RBPMS: variants seen among roughly 807,000 people sequenced by gnomAD.
RBPMS encodes the protein RNA-binding protein with multiple splicing.
A neutral mutation model predicts 26.8 loss-of-function variants in RBPMS; 7 were observed. The ratio of observed to expected loss-of-function variants is 0.26; its 90% CI spans 0.15 to 0.49. The LOEUF (loss-of-function observed/expected upper bound fraction) is 0.49, where lower values mean the gene tolerates loss of function less well. Ranked by LOEUF, RBPMS falls within the 20% of genes least tolerant of loss-of-function variation. RBPMS has a pLI of 0.98. For synonymous variants in RBPMS, 96 were observed against 93.3 expected (o/e 1.03, Z -0.17); for missense variants, 186 against 250.0 (o/e 0.74, Z 1.73).
intron 1 of RBPMS, among the ~76,000 whole-genome samples, chr8:30,419,729 C>A (rs1455272480): frequency 6.6e-6 from 1 of 152,090 alleles, no homozygotes; most frequent in Non-Finnish European, 1.5e-5. Context: ...TGGTTCCCAT[C>A]CCCAACATAT....
intron 1 of RBPMS, among the ~76,000 whole-genome samples, chr8:30,448,926 A>C (rs551275527): frequency 1.3e-5 from 2 of 152,214 alleles, no homozygotes; most frequent in East Asian, 1.9e-4. Flanking sequence ...ATGGGGGGGA[A>C]CTTTGCTGTC....
intron 2 of RBPMS, among the ~76,000 whole-genome samples, chr8:30,475,853 T>G (rs1817633846): frequency 1.3e-5 from 2 of 152,132 alleles, no homozygotes; most frequent in African/African-American, 4.8e-5. Flanking sequence ...AGCCATCGCT[T>G]TAATGCAACA....
chr8:30,502,506 G>A (rs1820666001), intron 4 of RBPMS, among the ~76,000 whole-genome samples: 1 of 152,206 alleles, frequency 6.6e-6, no homozygotes, highest in Non-Finnish European at 1.5e-5. Context: ...TAGGAAAGTT[G>A]CTTCTTCACA....
At chr8:30,538,260 CTT>C (rs35741819) in intron 5 of RBPMS, among the ~76,000 whole-genome samples, 2 of 147,078 alleles carry the variant, frequency 1.4e-5, no homozygotes, top group Admixed American at 6.8e-5. Context: ...TTCACCCAAT[CTT>C]TTTTTTTTTG....
At chr8:30,501,563 T>G (rs1170682559) in intron 4 of RBPMS, among the ~76,000 whole-genome samples, 1 of 152,198 alleles carries the variant, frequency 6.6e-6, no homozygotes, top group Non-Finnish European at 1.5e-5. Context: ...CAGTAGCCAG[T>G]CAGATTGGGG....
intron 1 of RBPMS, among the ~76,000 whole-genome samples, chr8:30,449,939 TTTAC>T (rs1814351867): frequency 6.6e-6 from 1 of 152,266 alleles, no homozygotes; most frequent in Non-Finnish European, 1.5e-5. Flanking sequence ...AAAATTACAA[TTTAC>T]TTTTAGTTAC....
chr8:30,411,704 C>T (rs1405826241), intron 1 of RBPMS, among the ~76,000 whole-genome samples: 2 of 147,342 alleles, frequency 1.4e-5, no homozygotes, highest in African/African-American at 5.0e-5. Context: ...AATGTTTAGG[C>T]CGGGCACAGT....
At chr8:30,504,233 G>T in intron 4 of RBPMS, 53 bp from the exon 5 acceptor site, 2 of 1,603,406 alleles carry the variant, frequency 1.2e-6, no homozygotes, top group Non-Finnish European at 1.7e-6. Context: ...TCACCATTCC[G>T]GTTTGACTCA....
intron 1 of RBPMS, among the ~76,000 whole-genome samples, chr8:30,425,385 TG>T (rs1486444265): frequency 1.3e-5 from 2 of 152,008 alleles, no homozygotes; most frequent in African/African-American, 4.8e-5. Context: ...TGTGTATATT[TG>T]ATATGTAGCG....
intron 2 of RBPMS, among the ~76,000 whole-genome samples, chr8:30,477,157 A>G (rs369852592): frequency 7.9e-5 from 12 of 152,018 alleles, no homozygotes; most frequent in Admixed American, 7.9e-4. Context: ...GGTTCATACC[A>G]TTCTCCTGCC....
Position 30,445,770 on chromosome 8 carries a change from C to T in RBPMS, c.67-29009C>T, listed in dbSNP as rs775961745. Among the ~76,000 whole-genome samples, 23 of 151,400 alleles carry T rather than the reference C, an allele frequency of 1.5e-4. 2 individuals are homozygous for T. Among genetic ancestry groups the T allele is most frequent in the African/African-American group, 5.3e-4 (22 of 41,204 alleles). ...GCAGCCTCGACCAACTGGGCTCCAG[C>T]GAGCCTATATCACCTTAGCCTCCTG... On this transcript the variant is annotated intron_variant, in intron 1 of 8. Coordinates refer to ENST00000397323, the MANE Select transcript of RBPMS (RefSeq NM_001008710.3).
intron 4 of RBPMS, among the ~76,000 whole-genome samples, chr8:30,494,707 C>A (rs4733188): frequency 1 from 151,942 of 152,344 alleles, 75,770 homozygotes; most frequent in Non-Finnish European, 1. Flanking sequence ...ATAATTAACT[C>A]TAGCTGATGG....
At chr8:30,462,872 C>T (rs1816085580) in intron 1 of RBPMS, among the ~76,000 whole-genome samples, 1 of 151,998 alleles carries the variant, frequency 6.6e-6, no homozygotes, top group South Asian at 2.1e-4. Context: ...GGGGTGCTGG[C>T]CAGAGTGAAA....
chr8:30,541,322 C>G (rs1392548593), intron 5 of RBPMS, among the ~76,000 whole-genome samples: 1 of 152,174 alleles, frequency 6.6e-6, no homozygotes, highest in Non-Finnish European at 1.5e-5. Context: ...AAAGGGATTA[C>G]AGGGTGGAGT....
At chr8:30,422,436 A>T (rs1035864522) in intron 1 of RBPMS, among the ~76,000 whole-genome samples, 1 of 152,092 alleles carries the variant, frequency 6.6e-6, no homozygotes, top group Non-Finnish European at 1.5e-5. Flanking sequence ...AATAATAATA[A>T]TACTAAATTT....
chr8:30,517,189 CGTGT>C (rs56327512), intron 5 of RBPMS, among the ~76,000 whole-genome samples: 8,722 of 132,320 alleles, frequency 0.066, 341 homozygotes, highest in Admixed American at 0.1. Context: ...GCCAAGACCC[CGTGT>C]GTGTGTGTGT....
chr8:30,491,452 A>G (rs559362052), intron 4 of RBPMS, among the ~76,000 whole-genome samples: 1 of 152,132 alleles, frequency 6.6e-6, no homozygotes, highest in South Asian at 2.1e-4. Context: ...GGGCACACAC[A>G]GGGTGGGAGG....
chr8:30,412,406 G>A (rs958421842), intron 1 of RBPMS, among the ~76,000 whole-genome samples: 17 of 152,064 alleles, frequency 1.1e-4, no homozygotes, highest in Admixed American at 4.6e-4. Context: ...GACTGTTCCC[G>A]GAATGGGCTC....
intron 3 of RBPMS, 85 bp downstream of exon 3, chr8:30,477,922 C>A: frequency 3.1e-6 from 3 of 952,782 alleles, no homozygotes; most frequent in South Asian, 1.5e-5. Context: ...TTTTTTATTC[C>A]CATTAGAATT....
Sources: gnomAD v4.1 joint callset for allele counts (sites outside exome capture counted in the v4.1 genomes callset) on GRCh38, gnomAD v4.1.1 for gene constraint, MANE v1.5 for transcripts, NCBI Gene and HGNC (gene_info 2026-07-23, HGNC 2026-07-21) for gene names.